USP37: variants seen among roughly 807,000 people sequenced by gnomAD.
USP37 encodes ubiquitin specific peptidase 37, also known as ubiquitin carboxyl-terminal hydrolase 37.
USP37 carries 27 observed loss-of-function variants against 124.0 expected under a neutral mutation model. The ratio of observed to expected loss-of-function variants is 0.22; its 90% CI spans 0.16 to 0.30. USP37 has a LOEUF of 0.30. Among genes scored for constraint, USP37 ranks in the 10% least tolerant of loss-of-function variants. The probability of loss-of-function intolerance (pLI) is 1.00; values close to 1 mark genes in which losing one functional copy is unlikely to be tolerated. For synonymous variants in USP37, 365 were observed against 388.0 expected (o/e 0.94, Z 0.70); for missense variants, 889 against 1,140.4 (o/e 0.78, Z 3.17).
intron 6 of USP37, among the ~76,000 whole-genome samples, chr2:218,547,584 A>C (rs1168289283): frequency 1.8e-5 from 2 of 114,208 alleles, no homozygotes; most frequent in Admixed American, 1.6e-4. Context: ...ATTACTAACC[A>C]AAAAAAAAAA....
Position 218,476,829 on chromosome 2 carries a change from A to G in USP37, c.2043+11T>C, listed in dbSNP as rs2105970494. The G allele has an allele frequency of 6.3e-6, 10 of 1,592,056 alleles. No homozygotes were observed. Among genetic ancestry groups the G allele is most frequent in the Non-Finnish European group, 7.7e-6 (9 of 1,173,622 alleles). On this transcript the variant is annotated intron_variant, in intron 19 of 25. Transcript: ENST00000258399. ...AATCTTTGTCAGATGTTTTAAGAAA[A>G]TATTACTTACTTTTTCCAGGTCTTC... is the stretch of plus-strand genomic sequence containing the variant.
intron 2 of USP37, among the ~76,000 whole-genome samples, chr2:218,562,258 C>T (rs533091257): frequency 1.3e-5 from 2 of 152,282 alleles, no homozygotes; most frequent in Non-Finnish European, 2.9e-5. Flanking sequence ...GTTAAACTTC[C>T]TATGAACCTA....
Position 218,530,021 on chromosome 2 carries a change from T to A in USP37, c.798A>T (p.Ser266=). ...CAGCTCTGCTACCATAAAAGGATGATGACTGTAAAGGTAAAAGCCCTATAA... is the reference window on the plus strand; with the variant it reads ...CAGCTCTGCTACCATAAAAGGATGAAGACTGTAAAGGTAAAAGCCCTATAA... The part of the protein sequence containing the change: ...NRTSGLLPLQ[S]SSFYGSRAGS... The change falls in exon 10 of 26, where the codon TCA becomes TCT. Residue 266 remains serine (S), a synonymous_variant. Coordinates refer to ENST00000258399, the MANE Select transcript of USP37 (RefSeq NM_020935.3). 6.2e-7 allele frequency: 1 copy of A among 1,612,690 alleles called. No individual in the cohort carries two copies. The highest frequency in any genetic ancestry group is 8.5e-7 in the Non-Finnish European group (1 of 1,179,648).
chr2:218,501,242 G>A (rs539624661), intron 11 of USP37, among the ~76,000 whole-genome samples: 1 of 152,000 alleles, frequency 6.6e-6, no homozygotes, highest in East Asian at 1.9e-4. Flanking sequence ...ATTTTGTCAT[G>A]TTACCAAGGC....
chr2:218,514,335 G>A (rs1349077938), intron 10 of USP37: 2 of 152,072 alleles, frequency 1.3e-5, no homozygotes, highest in Non-Finnish European at 2.9e-5. Flanking sequence ...GCAAGTAGTT[G>A]TCATGTTTCT....
At chr2:218,482,839 T>G (rs1366017110) in intron 16 of USP37, among the ~76,000 whole-genome samples, 2 of 152,346 alleles carry the variant, frequency 1.3e-5, no homozygotes, top group African/African-American at 2.4e-5. Flanking sequence ...TTAGAAGCAC[T>G]GAATTCTTTG....
chr2:218,503,605 C>T (rs1689512567), intron 11 of USP37, among the ~76,000 whole-genome samples: 2 of 152,194 alleles, frequency 1.3e-5, no homozygotes, highest in South Asian at 4.1e-4. Flanking sequence ...ATCCCAGCTA[C>T]TCTGGAGGCT....
chr2:218,522,536 C>CT lies in USP37; in HGVS notation c.863+7419dup, dbSNP rs1180026634. 2.7e-5 allele frequency among the ~76,000 whole-genome samples: 4 copies of CT among 146,430 alleles called. No homozygotes were observed. In the East Asian group the frequency reaches 8.0e-4, roughly 29 times the overall value. On this transcript the variant is annotated intron_variant, in intron 10 of 25. Transcript: ENST00000258399. ...TAGGATTGTGCCACCGTACTCCAGCCTAGGTGACAGAGGCAAACTCCACCA... is the reference window on the plus strand; with the variant it reads ...TAGGATTGTGCCACCGTACTCCAGCCTTAGGTGACAGAGGCAAACTCCACCA...
intron 17 of USP37, among the ~76,000 whole-genome samples, chr2:218,480,202 T>A (rs1259228718): frequency 6.8e-6 from 1 of 146,296 alleles, no homozygotes; most frequent in Non-Finnish European, 1.5e-5. Context: ...ATCGAGACCA[T>A]CCTGGCTAAC....
At chr2:218,532,964 TA>T (rs1691417950) in intron 9 of USP37, among the ~76,000 whole-genome samples, 1 of 151,892 alleles carries the variant, frequency 6.6e-6, no homozygotes, top group African/African-American at 2.4e-5. Flanking sequence ...ATTTTTTTTT[TA>T]GACATAATGC....
At chr2:218,491,977 T>A (rs1350185626) in intron 14 of USP37, among the ~76,000 whole-genome samples, 3 of 152,108 alleles carry the variant, frequency 2.0e-5, no homozygotes, top group Admixed American at 2.0e-4. Context: ...AAGTGGGAAG[T>A]TGGCTTGAGC....
chr2:218,511,402 G>C (rs531190057), intron 10 of USP37, among the ~76,000 whole-genome samples: 2 of 152,102 alleles, frequency 1.3e-5, no homozygotes, highest in African/African-American at 4.8e-5. Context: ...TCCGCCTCCC[G>C]GATTCAAGCG....
intron 10 of USP37, among the ~76,000 whole-genome samples, chr2:218,514,723 C>T (rs549745283): frequency 6.6e-6 from 1 of 152,140 alleles, no homozygotes; most frequent in South Asian, 2.1e-4. Flanking sequence ...AATTTTAGCA[C>T]CCAATGATAC....
chr2:218,461,044 T>TA (rs768770697), intron 22 of USP37, among the ~76,000 whole-genome samples: 35 of 152,232 alleles, frequency 2.3e-4, no homozygotes, highest in Non-Finnish European at 4.9e-4. Context: ...ACTAAACAAA[T>TA]ACAAGATCTG....
At chr2:218,480,698 A>T (rs1455601840) in intron 17 of USP37, among the ~76,000 whole-genome samples, 1 of 152,236 alleles carries the variant, frequency 6.6e-6, no homozygotes, top group East Asian at 1.9e-4. Flanking sequence ...AGACAAGTCA[A>T]GGAATCTGTG....
At chr2:218,484,015 C>A (rs1691403187) in intron 16 of USP37, among the ~76,000 whole-genome samples, 1 of 152,026 alleles carries the variant, frequency 6.6e-6, no homozygotes, top group Non-Finnish European at 1.5e-5. Context: ...AAAAATTAGC[C>A]AGGCGTGGTG....
At chr2:218,507,378 G>A (rs1689737091) in intron 11 of USP37, among the ~76,000 whole-genome samples, 2 of 151,714 alleles carry the variant, frequency 1.3e-5, no homozygotes, top group Admixed American at 6.6e-5. Context: ...GGCTAGTCTC[G>A]AACTCTTGAC....
intron 1 of USP37, among the ~76,000 whole-genome samples, chr2:218,564,652 G>C (rs183963260): frequency 1.3e-5 from 2 of 152,088 alleles, no homozygotes; most frequent in African/African-American, 2.4e-5. Context: ...AGGTGGGAGT[G>C]GGGGGTAGAG....
intron 10 of USP37, among the ~76,000 whole-genome samples, chr2:218,521,739 C>T (rs1305090940): frequency 2.0e-5 from 3 of 152,200 alleles, no homozygotes; most frequent in Non-Finnish European, 2.9e-5. Flanking sequence ...GGATCCTACA[C>T]TAATTTTTAA....
Sources: allele counts gnomAD v4.1 joint callset (sites outside exome capture counted in the v4.1 genomes callset), GRCh38; gene constraint gnomAD v4.1.1; transcripts MANE v1.5; gene names NCBI Gene and HGNC (gene_info 2026-07-23, HGNC 2026-07-21).